Variants in ANXA7 observed in about 807,000 individuals in gnomAD.
ANXA7 encodes the protein annexin A7, also known as annexin VII.
Under a neutral mutation model 64.9 loss-of-function variants are expected in ANXA7, and 55 were observed. The ratio of observed to expected loss-of-function variants is 0.85; its 90% CI spans 0.68 to 1.06. The LOEUF is 1.06. Ranked by LOEUF, ANXA7 falls within the 50% of genes least tolerant of loss-of-function variation. The pLI is 0.00. For missense variants in ANXA7, 548 were observed against 582.1 expected (o/e 0.94, Z 0.60); for synonymous variants, 200 against 192.4 (o/e 1.04, Z -0.33).
chr10:73,377,956 A>G (rs556323868), intron 12 of ANXA7, among the ~76,000 whole-genome samples: 114 of 150,752 alleles, frequency 7.6e-4, no homozygotes, highest in African/African-American at 2.7e-3. Context: ...TTTTGTAGAA[A>G]TAGGTTTCAC....
At chr10:73,395,847 G>A in intron 5 of ANXA7, 1 of 673,804 alleles carries the variant, frequency 1.5e-6, no homozygotes, top group Non-Finnish European at 2.8e-6. Context: ...AGGAAACTCT[G>A]CAGCTAATGA....
intron 12 of ANXA7, among the ~76,000 whole-genome samples, chr10:73,377,773 GGTGT>G (rs368036663): frequency 1.8e-4 from 23 of 124,836 alleles, no homozygotes; most frequent in East Asian, 8.4e-4. Context: ...GGTGGGTGTG[GGTGT>G]GTGTGTGTGT....
intron 7 of ANXA7, among the ~76,000 whole-genome samples, chr10:73,384,260 A>G (rs2055326103): frequency 6.6e-6 from 1 of 152,214 alleles, no homozygotes; most frequent in Non-Finnish European, 1.5e-5. Flanking sequence ...ATTCCACTCT[A>G]CCAGGTACAA....
chr10:73,404,837 C>T (rs990829992), intron 1 of ANXA7, among the ~76,000 whole-genome samples: 2 of 152,054 alleles, frequency 1.3e-5, no homozygotes, highest in African/African-American at 2.4e-5. Context: ...ATCTAAAACA[C>T]GGCCAGGCGC....
At position 73,388,367 on chromosome 10, in the gene ANXA7, G is replaced by C. The variant is rs1189061433; in HGVS notation, c.483C>G (p.Ala161=). 6.2e-7 allele frequency: 1 copy of C among 1,613,922 alleles called. No homozygotes were observed. The highest frequency in any genetic ancestry group is 1.3e-5 in the African/African-American group (1 of 74,910). The change falls in exon 6 of 13, where the codon GCC becomes GCG. Residue 161 remains alanine (A), a synonymous_variant. Coordinates refer to ENST00000372921, the MANE Select transcript of ANXA7 (RefSeq NM_001156.5). ...CTGCATCTCTTATAGCATCGAAGTT[G>C]GCAGCTGGTCGGATAGTTCCTTGAG... ...QVTQGTIRPA[A]NFDAIRDAEI... is the part of the protein sequence containing the mutation.
In ANXA7 at chr10:73,396,588, A is replaced by C; in HGVS notation, c.371-5T>G. On this transcript the variant is annotated splice_region_variant and splice_polypyrimidine_tract_variant and intron_variant, in intron 4 of 12. Coordinates refer to ENST00000372921, the MANE Select transcript of ANXA7 (RefSeq NM_001156.5). ...TCTGTCCTCCAGGAAAGCCACCTAT[A>C]ATGTTAAAAAAAATAATAATAATAC... The C allele has an allele frequency of 1.3e-6, 2 of 1,590,848 alleles. No individual in the cohort carries two copies.
intron 6 of ANXA7, 94 bp downstream of exon 6, chr10:73,388,218 A>G: frequency 1.2e-6 from 1 of 856,204 alleles, no homozygotes; most frequent in East Asian, 2.6e-5. Context: ...ACCCAGGCTG[A>G]CACATAAACT....
chr10:73,377,773 G>GGTGTGTGTGT lies in ANXA7; in HGVS notation c.1278+1128_1278+1137dup, dbSNP rs368036663. Reference sequence around the variant, plus strand: ...ACTACCATGCCGGGGGGTGGGTGTGGGTGTGTGTGTGTGTGTGTGTGTGTG... The same window carrying GGTGTGTGTGT: ...ACTACCATGCCGGGGGGTGGGTGTGGGTGTGTGTGTGTGTGTGTGTGTGTGTGTGTGTGTG... On this transcript the variant is annotated intron_variant, in intron 12 of 12. Transcript: ENST00000372921. Among the ~76,000 whole-genome samples the GGTGTGTGTGT allele has an allele frequency of 2.0e-4, 25 of 124,846 alleles. 1 individual carries two copies. Among genetic ancestry groups the GGTGTGTGTGT allele is most frequent in the African/African-American group, 5.8e-4 (18 of 31,118 alleles). 81.9% of individuals were successfully genotyped at this position (124,846 alleles called of 152,430 possible).
intron 2 of ANXA7, among the ~76,000 whole-genome samples, chr10:73,400,326 T>C (rs2132688539): frequency 6.6e-6 from 1 of 152,244 alleles, no homozygotes; most frequent in Admixed American, 6.5e-5. Context: ...GCCAAGCCGT[T>C]AATTATTTTA....
rs939256313 is a variant in ANXA7, at chr10:73,375,373, T to G, written c.*722A>C. ...TATGTCAAGGTGACAGATACGTAAT[T>G]AGCCTGACCTTAATTGTGGAATCAT... On this transcript the variant is annotated 3_prime_UTR_variant, in exon 13 of 13. Coordinates refer to ENST00000372921, the MANE Select transcript of ANXA7 (RefSeq NM_001156.5). The G allele has an allele frequency of 1.3e-5, 2 of 152,202 alleles. No individual in the cohort carries two copies. The highest frequency in any genetic ancestry group is 2.9e-5 in the Non-Finnish European group (2 of 68,036). The allele number at this position is 152,202 out of a possible 1,614,324, so 9.4% of individuals were successfully genotyped here.
At chr10:73,404,791 CA>C (rs2055726515) in intron 1 of ANXA7, among the ~76,000 whole-genome samples, 1 of 150,788 alleles carries the variant, frequency 6.6e-6, no homozygotes, top group Admixed American at 6.6e-5. Flanking sequence ...GAGAAAAAAA[CA>C]AACATTCAAA....
At chr10:73,392,385 G>A (rs912557696) in intron 5 of ANXA7, among the ~76,000 whole-genome samples, 1 of 150,200 alleles carries the variant, frequency 6.7e-6, no homozygotes, top group East Asian at 2.1e-4. Flanking sequence ...AAGCCTGGCA[G>A]AGACACAACA....
Position 73,391,556 on chromosome 10 carries a change from GAGCTTTGATC to G in ANXA7, c.436-3152_436-3143del, listed in dbSNP as rs544605427. 7.2e-5 allele frequency among the ~76,000 whole-genome samples: 11 copies of G among 152,262 alleles called. No individual in the cohort carries two copies. In the East Asian group the frequency reaches 2.1e-3, roughly 29 times the overall value. ...GAGCCCAGCATTTCGAGGCTGCAGT[GAGCTTTGATC>G]ACGCCACTGTACTCCAGCCTGACCC... On this transcript the variant is annotated intron_variant, in intron 5 of 12. Transcript: ENST00000372921.
At chr10:73,381,942 A>C (rs1204764335) in intron 9 of ANXA7, among the ~76,000 whole-genome samples, 1 of 151,582 alleles carries the variant, frequency 6.6e-6, no homozygotes, top group African/African-American at 2.4e-5. Context: ...GCAATGGCAC[A>C]ATCTCAGCTC....
chr10:73,395,799 AAAG>A, intron 5 of ANXA7: 1 of 547,186 alleles, frequency 1.8e-6, no homozygotes, highest in Non-Finnish European at 3.3e-6. Context: ...AAAAAAAAAA[AAAG>A]AAGCCATACG....
At chr10:73,399,420 G>A (rs182082915) in intron 2 of ANXA7, among the ~76,000 whole-genome samples, 456 of 152,228 alleles carry the variant, frequency 3.0e-3, no homozygotes, top group African/African-American at 9.6e-3. Flanking sequence ...ATAAATTCAC[G>A]AGAGCTATAT....
intron 9 of ANXA7, among the ~76,000 whole-genome samples, chr10:73,381,862 A>G (rs200173831): frequency 4.4e-5 from 3 of 68,762 alleles, no homozygotes; most frequent in Admixed American, 3.3e-4. Flanking sequence ...CATATCCACT[A>G]TCCTTTCCAC....
At chr10:73,402,555 G>A (rs1015078154) in intron 1 of ANXA7, among the ~76,000 whole-genome samples, 8 of 152,216 alleles carry the variant, frequency 5.3e-5, no homozygotes, top group South Asian at 4.2e-4. Context: ...TTTGACACAC[G>A]TTAGGTCCAT....
intron 6 of ANXA7, 84 bp downstream of exon 6, chr10:73,388,228 T>G: frequency 1.0e-6 from 1 of 971,788 alleles, no homozygotes. Flanking sequence ...ACACATAAAC[T>G]TGGGTTTATG....
Sources: allele counts gnomAD v4.1 joint callset (sites outside exome capture counted in the v4.1 genomes callset), GRCh38; gene constraint gnomAD v4.1.1; transcripts MANE v1.5; gene names NCBI Gene and HGNC (gene_info 2026-07-23, HGNC 2026-07-21).